Variants in PTPN21 observed in about 807,000 individuals in gnomAD.
PTPN21 encodes tyrosine-protein phosphatase non-receptor type 21.
Under a neutral mutation model 131.8 loss-of-function variants are expected in PTPN21, and 77 were observed. The ratio of observed to expected loss-of-function variants is 0.58; its 90% CI spans 0.49 to 0.71. The LOEUF (loss-of-function observed/expected upper bound fraction) is 0.71. Among genes scored for constraint, PTPN21 ranks in the 30% least tolerant of loss-of-function variants. The probability of loss-of-function intolerance (pLI) is 0.00; values close to 1 mark genes in which losing one functional copy is unlikely to be tolerated. For missense variants in PTPN21, 1,552 were observed against 1,527.1 expected (o/e 1.02, Z -0.27); for synonymous variants, 715 against 621.3 (o/e 1.15, Z -2.24).
At position 88,550,265 on chromosome 14, in the gene PTPN21, G is replaced by A. The variant is rs201732885; in HGVS notation, c.153C>T (p.Ala51=). The A allele has an allele frequency of 3.8e-4, 613 of 1,613,990 alleles. 8 individuals are homozygous for A. The South Asian group carries it at 6.2e-3, about 16-fold the overall frequency. ...CCCGCAGCTCCAGCCTCTGGGCCAC[G>A]GCCTCGAGGCTTTCCTGGCCAGTGC... is the stretch of plus-strand genomic sequence containing the variant. ...VESTGQESLE[A]VAQRLELREV... is the part of the protein sequence containing the mutation. Residue 51 remains alanine (A), a synonymous_variant, in exon 2 of 19, where the codon GCC becomes GCT. Transcript: ENST00000556564.
chr14:88,504,338 C>T, intron 6 of PTPN21, 87 bp downstream of exon 6: 1 of 1,073,202 alleles, frequency 9.3e-7, no homozygotes, highest in Non-Finnish European at 1.4e-6. Context: ...AAATATTAAT[C>T]ATGTAAATTA....
rs374405662 is a variant in PTPN21 at position 88,524,664 on chromosome 14, T to C, written c.181-7403A>G. ...GCTGATGCCTGTAATCCTAGCACTT[T>C]AGGAGGCCAAAGTGGGAGAAACTTG... On this transcript the variant is annotated intron_variant, in intron 2 of 18. Transcript: ENST00000556564. Among the ~76,000 whole-genome samples, 10 of 152,256 alleles carry C rather than the reference T, an allele frequency of 6.6e-5. 1 individual carries two copies. The South Asian group carries it at 1.0e-3, about 16-fold the overall frequency.
intron 2 of PTPN21, among the ~76,000 whole-genome samples, chr14:88,533,441 T>G (rs1215303866): frequency 1.3e-5 from 2 of 152,220 alleles, no homozygotes; most frequent in East Asian, 3.8e-4. Context: ...GATGCTGGTA[T>G]AAACAAACCT....
chr14:88,550,625 GAA>G lies in PTPN21; in HGVS notation c.-202-8_-202-7del, dbSNP rs1469520452. 1.4e-5 allele frequency: 7 copies of G among 515,094 alleles called. No homozygotes were observed. Among genetic ancestry groups the G allele is most frequent in the Non-Finnish European group, 2.4e-5 (7 of 293,948 alleles). The allele number at this position is 515,094 out of a possible 1,614,324, so 31.9% of individuals were successfully genotyped here. A position where few individuals can be genotyped will look rare whatever the true frequency, so the allele number is the denominator to read the frequency against. On this transcript the variant is annotated splice_region_variant and splice_polypyrimidine_tract_variant and intron_variant, in intron 1 of 18. Transcript: ENST00000556564. ...AGGGAGCATTGACGCCAGCGCTGGG[GAA>G]AGAGGAACGCCGTTAGTTAAGCAAA...
At chr14:88,470,218 T>C (rs774107195) in intron 15 of PTPN21, 168 bp from the exon 16 acceptor site, 7 of 644,646 alleles carry the variant, frequency 1.1e-5, no homozygotes, top group Admixed American at 9.0e-5. Flanking sequence ...ATCTTTTCCC[T>C]TGTGAATACA....
chr14:88,479,134 T>G lies in PTPN21; in HGVS notation c.2297A>C (p.Asp766Ala). Residue 766 changes from aspartate to alanine, a missense_variant, in exon 13 of 19, where the codon GAC (aspartate) becomes GCC (alanine). By Grantham distance (126) the Asp-to-Ala change is moderately radical. Coordinates refer to ENST00000556564, the MANE Select transcript of PTPN21 (RefSeq NM_007039.4). The stretch of plus-strand genomic sequence containing the variant: ...GCTGTCCATCATCCTCTTCTCCGCG[T>G]CTGGGACGTGGGCCTTGGGCTCCAG... ...HILEPKAHVP[D>A]AEKRMMDSSP... The G allele has an allele frequency of 6.4e-7, 1 of 1,554,298 alleles. No homozygotes were observed. The highest frequency in any genetic ancestry group is 1.2e-5 in the South Asian group (1 of 81,628).
chr14:88,527,329 ATTT>A (rs1167605922), intron 2 of PTPN21, among the ~76,000 whole-genome samples: 2 of 152,026 alleles, frequency 1.3e-5, no homozygotes, highest in African/African-American at 4.8e-5. Flanking sequence ...TTATTCTTTG[ATTT>A]TTTTATTATG....
Position 88,479,725 on chromosome 14 carries a change from T to A in PTPN21, c.1706A>T (p.Tyr569Phe). The change falls in exon 13 of 19, where the codon TAC (tyrosine) becomes TTC (phenylalanine). Residue 569 changes from tyrosine to phenylalanine, a missense_variant. Coordinates refer to ENST00000556564, the MANE Select transcript of PTPN21 (RefSeq NM_007039.4). ...GCTGTTGGCGGGCCTGGGGGGCGGG[T>A]AGGGTGGGGGTGGCCGGTACACCTG... ...RTQVYRPPPP[Y>F]PPPRPANSTP... The A allele has an allele frequency of 3.3e-6, 1 of 302,874 alleles. No individual in the cohort carries two copies. The highest frequency in any genetic ancestry group is 5.4e-5 in the South Asian group (1 of 18,632). The allele number at this position is 302,874 out of a possible 1,614,324, so 18.8% of individuals were successfully genotyped here. A position where few individuals can be genotyped will look rare whatever the true frequency, so the allele number is the denominator to read the frequency against.
Position 88,479,658 on chromosome 14 carries a change from G to C in PTPN21, c.1773C>G (p.Asn591Lys). The change falls in exon 13 of 19, where the codon AAC becomes AAG. Residue 591 changes from asparagine to lysine, a missense_variant. By Grantham distance (94) the Asn-to-Lys change is moderately conservative. Transcript: ENST00000556564. The part of the protein sequence containing the change: ...LSRHLYISSS[N>K]PDLITRRVHH... ...GCACGCGCCGCGTGATGAGGTCGGG[G>C]TTGCTGCTGCTGATGTAAAGGTGGC... 2.0e-6 allele frequency: 3 copies of C among 1,534,048 alleles called. No individual in the cohort carries two copies. The highest frequency in any genetic ancestry group is 2.6e-6 in the Non-Finnish European group (3 of 1,148,034).
At position 88,484,051 on chromosome 14, in the gene PTPN21, T is replaced by TG. The variant is rs560202822; in HGVS notation, c.1078+1024_1078+1025insC. Reference sequence around the variant, plus strand: ...TAAACTATTAGATTCTAAGGTGTTTTTTTTTTTTTTGAGATAGTCTCCCTC... The same window carrying TG: ...TAAACTATTAGATTCTAAGGTGTTTTGTTTTTTTTTTGAGATAGTCTCCCTC... On this transcript the variant is annotated intron_variant, in intron 12 of 18. Coordinates refer to ENST00000556564, the MANE Select transcript of PTPN21 (RefSeq NM_007039.4). 6.6e-5 allele frequency among the ~76,000 whole-genome samples: 10 copies of TG among 151,790 alleles called. No individual in the cohort carries two copies. The East Asian group carries it at 1.9e-3, about 29-fold the overall frequency.
chr14:88,489,796 G>C (rs971918996), intron 10 of PTPN21, among the ~76,000 whole-genome samples: 4 of 150,284 alleles, frequency 2.7e-5, no homozygotes, highest in Non-Finnish European at 5.9e-5. Flanking sequence ...GTAGACCAGG[G>C]CTGCATCCAA....
At chr14:88,549,787 G>A (rs1162278878) in intron 2 of PTPN21, among the ~76,000 whole-genome samples, 1 of 149,310 alleles carries the variant, frequency 6.7e-6, no homozygotes, top group Non-Finnish European at 1.5e-5. Context: ...TTTTGAGCAG[G>A]TGTCTCGCTC....
At chr14:88,493,712 G>A (rs750115549) in intron 10 of PTPN21, among the ~76,000 whole-genome samples, 1 of 152,230 alleles carries the variant, frequency 6.6e-6, no homozygotes, top group Non-Finnish European at 1.5e-5. Flanking sequence ...CCAGGGACAA[G>A]AGGACAGCTT....
rs1465427256 is a variant in PTPN21 at position 88,483,175 on chromosome 14, T to G, written c.1078+1901A>C. ...TGCAGTGAGCCGAGATCGCGCCACT[T>G]CACTCCAGCCTGGGCAACAGAGTGA... On this transcript the variant is annotated intron_variant, in intron 12 of 18. Transcript: ENST00000556564. Among the ~76,000 whole-genome samples the G allele has an allele frequency of 1.6e-4, 23 of 143,958 alleles. No homozygotes were observed. In the Admixed American group the frequency reaches 1.6e-3, roughly 10 times the overall value. 94.4% of individuals were successfully genotyped at this position (143,958 alleles called of 152,430 possible).
chr14:88,483,674 C>A (rs1051582803), intron 12 of PTPN21, among the ~76,000 whole-genome samples: 1 of 152,154 alleles, frequency 6.6e-6, no homozygotes, highest in Admixed American at 6.5e-5. Context: ...TCACTATCCC[C>A]AAAACTAGGA....
chr14:88,538,147 G>T (rs1165182132), intron 2 of PTPN21, among the ~76,000 whole-genome samples: 10 of 152,148 alleles, frequency 6.6e-5, no homozygotes. Flanking sequence ...ACCATATAAA[G>T]GTTGTTTAGT....
intron 2 of PTPN21, among the ~76,000 whole-genome samples, chr14:88,541,031 T>G (rs762231796): frequency 4.6e-5 from 7 of 152,194 alleles, no homozygotes; most frequent in Non-Finnish European, 8.8e-5. Flanking sequence ...TTTCTTAGCC[T>G]GAGTAGGCAA....
intron 2 of PTPN21, among the ~76,000 whole-genome samples, chr14:88,549,372 A>C (rs2078826819): frequency 6.6e-6 from 1 of 152,258 alleles, no homozygotes; most frequent in African/African-American, 2.4e-5. Context: ...GTGTATTCAC[A>C]TTTGATTCTG....
At position 88,473,781 on chromosome 14, in the gene PTPN21, C is replaced by G. The variant is rs1359107037; in HGVS notation, c.2533G>C (p.Asp845His). ...PLGGMKKTRV[D>H]AKKIGPLKLA... is the part of the protein sequence containing the mutation. ...TTAAGAGGACCAATTTTTTTTGCAT[C>G]TACTCGAGTCTTTTTCATTCCCTGT... Residue 845 changes from aspartate (D) to histidine (H), a missense_variant, in exon 14 of 19, where the codon GAT becomes CAT. Asp to His is a moderately conservative substitution (Grantham distance 81, BLOSUM62 -1). Transcript: ENST00000556564. 6.2e-7 allele frequency: 1 copy of G among 1,607,614 alleles called. No individual in the cohort carries two copies. The highest frequency in any genetic ancestry group is 8.5e-7 in the Non-Finnish European group (1 of 1,178,512).
Sources: allele counts gnomAD v4.1 joint callset (sites outside exome capture counted in the v4.1 genomes callset), GRCh38; gene constraint gnomAD v4.1.1; transcripts MANE v1.5; gene names NCBI Gene and HGNC (gene_info 2026-07-23, HGNC 2026-07-21).